The following NRXN1 variants were observed in gnomAD, a reference collection of about 807,000 sequenced individuals.
NRXN1 encodes neurexin-1.
In NRXN1, 39 loss-of-function variants were observed where a neutral mutation model predicts 150.9. The ratio of observed to expected loss-of-function variants is 0.26; its 90% CI spans 0.20 to 0.34. NRXN1 has a LOEUF of 0.34. Among genes scored for constraint, NRXN1 ranks in the 10% least tolerant of loss-of-function variants. The pLI is 1.00. For missense variants in NRXN1, 1,815 were observed against 1,949.9 expected (o/e 0.93, Z 1.30); for synonymous variants, 924 against 757.0 (o/e 1.22, Z -3.62).
At chr2:50,053,627 A>G (rs1276120453) in intron 20 of NRXN1, 37 bp from the exon 21 acceptor site, 1 of 1,595,740 alleles carries the variant, frequency 6.3e-7, no homozygotes, top group Non-Finnish European at 8.6e-7. Context: ...AAAAATGTTG[A>G]TTGTGAACTC....
intron 5 of NRXN1, among the ~76,000 whole-genome samples, chr2:50,825,921 GA>G (rs1670387649): frequency 6.6e-6 from 1 of 152,182 alleles, no homozygotes; most frequent in Non-Finnish European, 1.5e-5. Context: ...ATGTTTGGGG[GA>G]AAACCCCCAC....
intron 17 of NRXN1, among the ~76,000 whole-genome samples, chr2:50,456,669 T>G (rs75994526): frequency 0.018 from 2,753 of 152,186 alleles, 97 homozygotes; most frequent in African/African-American, 0.063. Flanking sequence ...TGACCTTTTT[T>G]CTGGACTCTA....
chr2:50,070,104 C>T (rs920354653), intron 19 of NRXN1, among the ~76,000 whole-genome samples: 2 of 151,950 alleles, frequency 1.3e-5, no homozygotes, highest in African/African-American at 4.8e-5. Context: ...CCCGCCTTGG[C>T]CTCCCAAAGT....
intron 18 of NRXN1, among the ~76,000 whole-genome samples, chr2:50,112,439 G>T (rs1214476755): frequency 2.6e-5 from 4 of 152,196 alleles, no homozygotes; most frequent in Non-Finnish European, 5.9e-5. Flanking sequence ...GGTAGACAGA[G>T]ACAAATCCGT....
At chr2:51,017,130 T>A (rs575287054) in intron 2 of NRXN1, among the ~76,000 whole-genome samples, 1 of 151,888 alleles carries the variant, frequency 6.6e-6, no homozygotes, top group Non-Finnish European at 1.5e-5. Flanking sequence ...GGGAGGGATA[T>A]CATTAGGAGA....
intron 18 of NRXN1, among the ~76,000 whole-genome samples, chr2:50,199,573 C>T (rs1298923560): frequency 6.6e-6 from 1 of 151,642 alleles, no homozygotes; most frequent in African/African-American, 2.4e-5. Flanking sequence ...CACACATGCA[C>T]ACTGACATTA....
At chr2:50,238,550 T>C (rs1051972128) in intron 17 of NRXN1, among the ~76,000 whole-genome samples, 1 of 152,082 alleles carries the variant, frequency 6.6e-6, no homozygotes, top group Non-Finnish European at 1.5e-5. Flanking sequence ...GAGTAACATT[T>C]ATGTGTAAAA....
chr2:50,211,935 C>T (rs971205025), intron 18 of NRXN1, among the ~76,000 whole-genome samples: 3 of 151,566 alleles, frequency 2.0e-5, no homozygotes, highest in African/African-American at 7.3e-5. Flanking sequence ...ATGTACTCTA[C>T]ACAAATCTTG....
At chr2:50,423,401 T>A (rs1020234060) in intron 17 of NRXN1, among the ~76,000 whole-genome samples, 2 of 152,146 alleles carry the variant, frequency 1.3e-5, no homozygotes, top group Admixed American at 6.5e-5. Context: ...GCTGGTTTGA[T>A]CTGCCAGGTT....
chr2:50,664,284 C>T lies in NRXN1; in HGVS notation c.833-40669G>A, dbSNP rs574531454. Reference sequence around the variant, plus strand: ...GACAAACTAAGGAACAAACAGCATGCTTCTCTCTTCAAAGAAACTTGGCTA... The same window carrying T: ...GACAAACTAAGGAACAAACAGCATGTTTCTCTCTTCAAAGAAACTTGGCTA... On this transcript the variant is annotated intron_variant, in intron 5 of 22. Coordinates refer to ENST00000401669, the MANE Select transcript of NRXN1 (RefSeq NM_001330078.2). Among the ~76,000 whole-genome samples the T allele has an allele frequency of 4.4e-4, 67 of 152,004 alleles. No homozygotes were observed. The Middle Eastern group carries it at 0.02, about 46-fold the overall frequency.
chr2:50,679,839 G>T (rs1690105650), intron 5 of NRXN1, among the ~76,000 whole-genome samples: 1 of 151,922 alleles, frequency 6.6e-6, no homozygotes, highest in African/African-American at 2.4e-5. Flanking sequence ...ATCACCTCAA[G>T]AATTCAGTAG....
intron 15 of NRXN1, among the ~76,000 whole-genome samples, chr2:50,476,390 G>A (rs2089988255): frequency 6.6e-6 from 1 of 152,106 alleles, no homozygotes; most frequent in South Asian, 2.1e-4. Context: ...CCTACTGGCT[G>A]TCTCAGTGTA....
intron 5 of NRXN1, among the ~76,000 whole-genome samples, chr2:50,792,068 C>A (rs9751734): frequency 0.12 from 18,920 of 151,998 alleles, 1,683 homozygotes; most frequent in East Asian, 0.3. Flanking sequence ...TAAATAAATT[C>A]AAAACCTACT....
At chr2:50,867,320 C>G (rs1314592966) in intron 5 of NRXN1, among the ~76,000 whole-genome samples, 1 of 151,812 alleles carries the variant, frequency 6.6e-6, no homozygotes, top group Non-Finnish European at 1.5e-5. Context: ...TTTAAACCAC[C>G]TGCTTTGATG....
chr2:50,936,627 C>T (rs1278248152), intron 2 of NRXN1, among the ~76,000 whole-genome samples: 1 of 152,024 alleles, frequency 6.6e-6, no homozygotes, highest in Non-Finnish European at 1.5e-5. Context: ...GAAAATAATA[C>T]TTAACACATG....
At chr2:50,526,585 T>C (rs1178824707) in intron 12 of NRXN1, 1 of 152,230 alleles carries the variant, frequency 6.6e-6, no homozygotes, top group Non-Finnish European at 1.5e-5. Flanking sequence ...GTTTGCATTA[T>C]CTGGAATGTA....
intron 19 of NRXN1, among the ~76,000 whole-genome samples, chr2:50,064,487 C>T (rs1265538962): frequency 2.0e-5 from 3 of 150,230 alleles, no homozygotes; most frequent in Non-Finnish European, 4.4e-5. Context: ...TTGATTTGGT[C>T]AGGGGGAAAT....
chr2:50,468,779 C>T (rs1300555559), intron 16 of NRXN1, among the ~76,000 whole-genome samples: 1 of 151,280 alleles, frequency 6.6e-6, no homozygotes, highest in East Asian at 2.0e-4. Flanking sequence ...TCAATTTACT[C>T]ATTAAAAAAA....
chr2:50,888,523 T>G (rs1680599972), intron 5 of NRXN1, among the ~76,000 whole-genome samples: 1 of 151,500 alleles, frequency 6.6e-6, no homozygotes, highest in Non-Finnish European at 1.5e-5. Context: ...CTTCCTTCTT[T>G]CCTTTCTTGC....
Sources: gnomAD v4.1 joint callset for allele counts (sites outside exome capture counted in the v4.1 genomes callset) on GRCh38, gnomAD v4.1.1 for gene constraint, MANE v1.5 for transcripts, NCBI Gene and HGNC (gene_info 2026-07-23, HGNC 2026-07-21) for gene names.